Variants in MAN1B1 observed in about 807,000 individuals in gnomAD.
MAN1B1 encodes endoplasmic reticulum mannosyl-oligosaccharide 1,2-alpha-mannosidase.
A neutral mutation model predicts 75.5 loss-of-function variants in MAN1B1; 66 were observed. The observed-to-expected ratio is 0.87, with a 90% CI of 0.72 to 1.07. The LOEUF (loss-of-function observed/expected upper bound fraction) is 1.07. Ranked by LOEUF, MAN1B1 falls within the 50% of genes least tolerant of loss-of-function variation. MAN1B1 has a pLI of 0.00. For synonymous variants in MAN1B1, 453 were observed against 382.8 expected, an observed-to-expected ratio of 1.18 and a Z score of -2.14; for missense variants, 973 against 912.5, an observed-to-expected ratio of 1.07 and a Z score of -0.85.
chr9:137,096,394 A>C lies in MAN1B1; in HGVS notation c.620+3A>C, dbSNP rs1478405988. ...GATCCGCAGAGGACAGTCATCAGGT[A>C]CAGAGCGCAGGGCAGGCTGCACGCC... On this transcript the variant is annotated splice_donor_region_variant and intron_variant, in intron 4 of 12. Transcript: ENST00000371589. The C allele has an allele frequency of 6.2e-7, 1 of 1,613,424 alleles. No homozygotes were observed. The highest frequency in any genetic ancestry group is 1.3e-5 in the African/African-American group (1 of 75,064).
intron 1 of MAN1B1, 22 bp downstream of exon 1, chr9:137,087,240 CTG>C (rs1334064399): frequency 6.4e-7 from 1 of 1,556,630 alleles, no homozygotes; most frequent in Non-Finnish European, 8.7e-7. Flanking sequence ...GCCGGGCTGA[CTG>C]GGGCCCGGGG....
chr9:137,106,789 G>C lies in MAN1B1; in HGVS notation c.1546G>C (p.Gly516Arg). 1 of 1,613,412 alleles carries C rather than the reference G, an allele frequency of 6.2e-7. No individual in the cohort carries two copies. Among genetic ancestry groups the C allele is most frequent in the Non-Finnish European group, 8.5e-7 (1 of 1,179,996 alleles). ...KLTFVGELAH[G>R]RFSAKMDHLV... ...CACCTTTGTGGGGGAGCTTGCCCAC[G>C]GCCGCTTCAGTGCCAAGATGGTGAG... Residue 516 changes from glycine (G) to arginine (R), a missense_variant, in exon 10 of 13, where the codon GGC becomes CGC. Physicochemically the swap from Gly to Arg is moderately radical, Grantham distance 125 (BLOSUM62 -2). Transcript: ENST00000371589.
intron 8 of MAN1B1, chr9:137,103,260 TACAC>T (rs1280714994): frequency 1.0e-4 from 44 of 421,720 alleles, no homozygotes; most frequent in Middle Eastern, 3.5e-4. Context: ...AGGTCGGTGT[TACAC>T]ACATGCTGTT....
intron 8 of MAN1B1, 40 bp from the exon 9 acceptor site, chr9:137,106,085 G>T (rs755915652): frequency 3.2e-6 from 5 of 1,558,194 alleles, no homozygotes; most frequent in Non-Finnish European, 4.4e-6. Context: ...CTGCAGCTCG[G>T]CCCTGGCCAG....
chr9:137,088,513 G>A, intron 2 of MAN1B1: 1 of 1,193,146 alleles, frequency 8.4e-7, no homozygotes, highest in Non-Finnish European at 1.2e-6. Flanking sequence ...GTTTGGAAAA[G>A]ACCAGGCAGA....
At chr9:137,108,169 G>A in intron 12 of MAN1B1, 1 of 615,186 alleles carries the variant, frequency 1.6e-6, no homozygotes. Flanking sequence ...TCTGGGGGAG[G>A]CGGTTTCTGT....
At chr9:137,099,499 G>A (rs976570551) in intron 5 of MAN1B1, among the ~76,000 whole-genome samples, 197 bp from the exon 6 acceptor site, 2 of 152,250 alleles carry the variant, frequency 1.3e-5, no homozygotes, top group Admixed American at 6.5e-5. Context: ...CCCTTGGCAG[G>A]CTGTGTTCTC....
intron 5 of MAN1B1, among the ~76,000 whole-genome samples, chr9:137,098,558 C>T (rs945617406): frequency 3.9e-5 from 6 of 152,140 alleles, no homozygotes; most frequent in African/African-American, 1.2e-4. Flanking sequence ...CTCCCAGCCC[C>T]GGGCCTGTGA....
chr9:137,108,263 C>T (rs140266149), intron 12 of MAN1B1, 125 bp from the exon 13 acceptor site: 50 of 846,846 alleles, frequency 5.9e-5, no homozygotes, highest in African/African-American at 1.3e-4. Flanking sequence ...ATCATCCAGG[C>T]GCCCTCCACC....
rs1830417862 is a variant in MAN1B1, at chr9:137,087,952, AAGAAAT to A, written c.220-119_220-114del. On this transcript the variant is annotated intron_variant, in intron 1 of 12. Transcript: ENST00000371589. ...ATGAGACCCTGTTTCCAAAAAAAAA[AAGAAAT>A]AGAGCTGAACACTGGATCTTCCAGA... 25 of 865,498 alleles carry A rather than the reference AAGAAAT, an allele frequency of 2.9e-5. No homozygotes were observed. The South Asian group carries it at 3.5e-4, about 12-fold the overall frequency. 53.6% of individuals were successfully genotyped at this position (865,498 alleles called of 1,614,324 possible).
At chr9:137,099,136 AT>A (rs1830737266) in intron 5 of MAN1B1, among the ~76,000 whole-genome samples, 1 of 152,228 alleles carries the variant, frequency 6.6e-6, no homozygotes, top group Admixed American at 6.5e-5. Flanking sequence ...AGCCAAAAAA[AT>A]TTAAAAAAAG....
Position 137,108,747 on chromosome 9 carries a change from A to G in MAN1B1, c.*156A>G. On this transcript the variant is annotated 3_prime_UTR_variant, in exon 13 of 13. Transcript: ENST00000371589. ...TCCTCGTCTCTGCTTTAATCAGGAC[A>G]CCGTGAGGACAAGTGAGGCCGTCAG... 2 of 753,554 alleles carry G rather than the reference A, an allele frequency of 2.7e-6. No homozygotes were observed. Among genetic ancestry groups the G allele is most frequent in the Non-Finnish European group, 4.7e-6 (2 of 427,568 alleles). The allele number at this position is 753,554 out of a possible 1,614,324, so 46.7% of individuals were successfully genotyped here. A position where few individuals can be genotyped will look rare whatever the true frequency, so the allele number is the denominator to read the frequency against.
At position 137,088,999 on chromosome 9, in the gene MAN1B1, G is replaced by A. The variant is rs140105878; in HGVS notation, c.459G>A (p.Ser153=). 1,215 of 1,613,952 alleles carry A rather than the reference G, an allele frequency of 7.5e-4. 10 individuals are homozygous for A. The African/African-American group carries it at 0.014, about 19-fold the overall frequency. Residue 153 remains serine, a synonymous_variant, in exon 3 of 13, where the codon TCG becomes TCA. Coordinates refer to ENST00000371589, the MANE Select transcript of MAN1B1 (RefSeq NM_016219.5). The stretch of plus-strand genomic sequence containing the variant: ...ACCCTGAGAACTTACCTGAGATTTC[G>A]TCACAGGTACTTTGAGCAAATGGTG... The part of the protein sequence containing the change: ...DTDPENLPEI[S]SQKTQRHIQR...
At chr9:137,107,726 G>A in intron 12 of MAN1B1, 64 bp downstream of exon 12, 1 of 1,609,050 alleles carries the variant, frequency 6.2e-7, no homozygotes, top group Middle Eastern at 1.7e-4. Context: ...CTGGGCTGTG[G>A]GGCTCAGGCT....
chr9:137,088,149 C>T lies in MAN1B1; in HGVS notation c.294C>T (p.Leu98=), dbSNP rs1830424089. The stretch of plus-strand genomic sequence containing the variant: ...TTGCCTTTCTGCTTTTCTGTGGACT[C>T]CTCTTCTACATCAACTTGGCTGACC... ...FLLAFLLFCG[L]LFYINLADHW... is the part of the protein sequence containing the mutation. The change falls in exon 2 of 13, where the codon CTC becomes CTT. Residue 98 remains leucine, a synonymous_variant. Transcript: ENST00000371589. The T allele has an allele frequency of 1.9e-6, 3 of 1,614,038 alleles. No individual in the cohort carries two copies. The highest frequency in any genetic ancestry group is 2.2e-5 in the South Asian group (2 of 91,088).
intron 3 of MAN1B1, chr9:137,094,375 C>T (rs141137915): frequency 9.7e-4 from 480 of 496,898 alleles, no homozygotes; most frequent in African/African-American, 8.2e-3. Flanking sequence ...TAGTTTGTTC[C>T]GACCTTCCAC....
At chr9:137,099,911 G>A in intron 6 of MAN1B1, 30 bp downstream of exon 6, 3 of 1,612,202 alleles carry the variant, frequency 1.9e-6, no homozygotes, top group Non-Finnish European at 2.5e-6. Context: ...GAGGGGCTGA[G>A]CCCTCCGTGT....
rs773353141 is a variant in MAN1B1, at chr9:137,088,163, A to C, written c.308A>C (p.Asn103Thr). 1 of 1,614,040 alleles carries C rather than the reference A, an allele frequency of 6.2e-7. No homozygotes were observed. The highest frequency in any genetic ancestry group is 1.3e-5 in the African/African-American group (1 of 74,912). The change falls in exon 2 of 13, where the codon AAC becomes ACC. Residue 103 changes from asparagine (N) to threonine (T), a missense_variant. Asn to Thr is a moderately conservative substitution (Grantham distance 65). Transcript: ENST00000371589. ...LLFCGLLFYI[N>T]LADHWKALAF... ...TTCTGTGGACTCCTCTTCTACATCA[A>C]CTTGGCTGACCATTGGAAAGGTATC... is the stretch of plus-strand genomic sequence containing the variant.
intron 1 of MAN1B1, among the ~76,000 whole-genome samples, chr9:137,087,817 C>G (rs980823275): frequency 6.6e-6 from 1 of 152,190 alleles, no homozygotes; most frequent in African/African-American, 2.4e-5. Context: ...AGCAATGTTC[C>G]TACTCCCTGC....
Sources: gnomAD v4.1 joint callset for allele counts (sites outside exome capture counted in the v4.1 genomes callset) on GRCh38, gnomAD v4.1.1 for gene constraint, MANE v1.5 for transcripts, NCBI Gene and HGNC (gene_info 2026-07-23, HGNC 2026-07-21) for gene names.